MOB1B: variants seen among roughly 807,000 people sequenced by gnomAD.
The protein encoded by MOB1B is MOB1 Mps One Binder homolog B.
In MOB1B, 19 loss-of-function variants were observed where a neutral mutation model predicts 24.4. That is an observed-to-expected ratio of 0.78 (90% confidence interval 0.54 to 1.14). The LOEUF is 1.14. Among genes scored for constraint, MOB1B ranks in the 50% most tolerant of loss-of-function variants. The pLI, the probability that MOB1B is intolerant of heterozygous loss-of-function variation, is 0.00. For missense variants in MOB1B, 243 were observed against 259.6 expected, an observed-to-expected ratio of 0.94 and a Z score of 0.44; for synonymous variants, 76 against 82.1, an observed-to-expected ratio of 0.93 and a Z score of 0.40.
At chr4:70,952,957 T>TTTTTTC (rs1560652367) in intron 1 of MOB1B, among the ~76,000 whole-genome samples, 1 of 143,958 alleles carries the variant, frequency 6.9e-6, no homozygotes, top group African/African-American at 2.7e-5. Context: ...TTTTTTTTTT[T>TTTTTTC]TTTGAGTTGG....
In MOB1B at chr4:70,986,478, A is replaced by C. The variant is rs1435083388; in HGVS notation, c.*4421A>C. 3 of 152,112 alleles carry C rather than the reference A, an allele frequency of 2.0e-5. No individual in the cohort carries two copies. The highest frequency in any genetic ancestry group is 4.4e-5 in the Non-Finnish European group (3 of 67,976). The allele number at this position is 152,112 out of a possible 1,614,324, so 9.4% of individuals were successfully genotyped here. On this transcript the variant is annotated 3_prime_UTR_variant, in exon 6 of 6. Transcript: ENST00000309395. ...AAGATGTGGGACCAAAAATATATTT[A>C]TAATTTGGAAATGTGACTGCATACC...
At chr4:70,968,054 C>T (rs1156976004) in intron 2 of MOB1B, among the ~76,000 whole-genome samples, 4 of 151,998 alleles carry the variant, frequency 2.6e-5, no homozygotes, top group African/African-American at 9.7e-5. Flanking sequence ...ACTGTGTTGC[C>T]CAAGGTGGTC....
At chr4:70,947,964 A>T (rs1490436931) in intron 1 of MOB1B, among the ~76,000 whole-genome samples, 1 of 152,186 alleles carries the variant, frequency 6.6e-6, no homozygotes, top group African/African-American at 2.4e-5. Context: ...TTTCTTTCAT[A>T]AGATGCTTTT....
chr4:70,978,172 G>C (rs920294276), intron 4 of MOB1B, among the ~76,000 whole-genome samples: 1 of 152,132 alleles, frequency 6.6e-6, no homozygotes, highest in Non-Finnish European at 1.5e-5. Context: ...TATAAGTGAG[G>C]TTATACAATA....
intron 1 of MOB1B, among the ~76,000 whole-genome samples, chr4:70,934,875 C>T (rs1737021358): frequency 6.6e-6 from 1 of 151,992 alleles, no homozygotes; most frequent in African/African-American, 2.4e-5. Context: ...AGTTAACCTT[C>T]ACACATATTT....
At chr4:70,940,573 T>C (rs1356608533) in intron 1 of MOB1B, among the ~76,000 whole-genome samples, 1 of 152,224 alleles carries the variant, frequency 6.6e-6, no homozygotes, top group Non-Finnish European at 1.5e-5. Context: ...TGTATCAACA[T>C]TGTTATCAGT....
At chr4:70,923,030 C>G (rs1736498440) in intron 1 of MOB1B, among the ~76,000 whole-genome samples, 1 of 152,142 alleles carries the variant, frequency 6.6e-6, no homozygotes, top group Non-Finnish European at 1.5e-5. Context: ...CCAAACCTCC[C>G]CAGACTCTGA....
intron 1 of MOB1B, among the ~76,000 whole-genome samples, chr4:70,919,757 CCA>C (rs2148872434): frequency 1.3e-5 from 2 of 152,328 alleles, no homozygotes; most frequent in African/African-American, 4.8e-5. Flanking sequence ...CCTCGGCCTC[CCA>C]CAGTGTTGGG....
chr4:70,965,364 T>C (rs984542037), intron 2 of MOB1B, among the ~76,000 whole-genome samples: 24 of 147,832 alleles, frequency 1.6e-4, no homozygotes, highest in African/African-American at 6.0e-4. Flanking sequence ...CCTGGTAAGA[T>C]TGATCAAGAA....
At chr4:70,976,452 C>T (rs1045530483) in intron 4 of MOB1B, 12 of 985,096 alleles carry the variant, frequency 1.2e-5, no homozygotes, top group African/African-American at 3.5e-5. Flanking sequence ...GCTGTATCAT[C>T]GGCTGAGTGA....
intron 2 of MOB1B, among the ~76,000 whole-genome samples, chr4:70,967,872 G>A (rs1738597596): frequency 6.6e-6 from 1 of 151,982 alleles, no homozygotes; most frequent in South Asian, 2.1e-4. Context: ...TGTCATCCAG[G>A]TTGGAGTGCA....
intron 1 of MOB1B, among the ~76,000 whole-genome samples, chr4:70,940,973 C>T (rs563029781): frequency 2.6e-4 from 40 of 152,168 alleles, no homozygotes; most frequent in Admixed American, 1.2e-3. Context: ...ACGCCCGGCC[C>T]GGCATTAAAT....
intron 3 of MOB1B, among the ~76,000 whole-genome samples, chr4:70,972,008 C>CTTTTTT (rs1253252504): frequency 7.0e-6 from 1 of 143,618 alleles, no homozygotes. Flanking sequence ...TCCTTTCTCC[C>CTTTTTT]TTTTTTTTTT....
intron 1 of MOB1B, among the ~76,000 whole-genome samples, chr4:70,954,810 G>C (rs1298622505): frequency 6.6e-6 from 1 of 151,166 alleles, no homozygotes; most frequent in Non-Finnish European, 1.5e-5. Context: ...GAGTGCAGTG[G>C]TGCGATCTGG....
At chr4:70,953,237 C>T (rs1737886763) in intron 1 of MOB1B, among the ~76,000 whole-genome samples, 1 of 152,076 alleles carries the variant, frequency 6.6e-6, no homozygotes, top group African/African-American at 2.4e-5. Context: ...CCTTGCCTGG[C>T]CTGTCAGTTG....
chr4:70,906,943 G>A (rs1347513919), intron 1 of MOB1B, among the ~76,000 whole-genome samples: 1 of 152,188 alleles, frequency 6.6e-6, no homozygotes, highest in Non-Finnish European at 1.5e-5. Context: ...GGGGCCCAAA[G>A]TATGTGTAGC....
At chr4:70,905,918 T>C (rs1735717786) in intron 1 of MOB1B, among the ~76,000 whole-genome samples, 1 of 151,632 alleles carries the variant, frequency 6.6e-6, no homozygotes, top group African/African-American at 2.4e-5. Flanking sequence ...AATACAAAAA[T>C]TAGCCAGGTG....
chr4:70,974,265 G>A (rs553068067), intron 3 of MOB1B, among the ~76,000 whole-genome samples: 1 of 151,856 alleles, frequency 6.6e-6, no homozygotes, highest in African/African-American at 2.4e-5. Flanking sequence ...AGCGATTTCT[G>A]GCTAATTTTT....
At chr4:70,941,353 T>G (rs750409723) in intron 1 of MOB1B, among the ~76,000 whole-genome samples, 10 of 152,176 alleles carry the variant, frequency 6.6e-5, no homozygotes, top group Admixed American at 1.3e-4. Context: ...TATTTATTTA[T>G]TTTTTTGAGA....
Sources: allele counts gnomAD v4.1 joint callset (sites outside exome capture counted in the v4.1 genomes callset), GRCh38; gene constraint gnomAD v4.1.1; transcripts MANE v1.5; gene names NCBI Gene and HGNC (gene_info 2026-07-23, HGNC 2026-07-21).